The following DPYD variants were observed in gnomAD, a reference collection of about 807,000 sequenced individuals.
DPYD encodes the protein dihydropyrimidine dehydrogenase.
Under a neutral mutation model 116.2 loss-of-function variants are expected in DPYD, and 109 were observed. That is an observed-to-expected ratio of 0.94 (90% CI 0.80 to 1.10). The LOEUF is 1.10. Among genes scored for constraint, DPYD ranks in the 50% least tolerant of loss-of-function variants. The pLI, the probability that DPYD is intolerant of heterozygous loss-of-function variation, is 0.00. For missense variants in DPYD, 1,302 were observed against 1,254.5 expected (o/e 1.04, Z -0.57); for synonymous variants, 440 against 432.0 (o/e 1.02, Z -0.23).
At chr1:97,120,446 T>C (rs1243434199) in intron 20 of DPYD, among the ~76,000 whole-genome samples, 1 of 152,154 alleles carries the variant, frequency 6.6e-6, no homozygotes, top group Non-Finnish European at 1.5e-5. Context: ...TTATTTTATA[T>C]ACCAGTCTCT....
chr1:97,567,461 A>G (rs937785103), intron 11 of DPYD, among the ~76,000 whole-genome samples: 2 of 152,060 alleles, frequency 1.3e-5, no homozygotes, highest in East Asian at 3.9e-4. Flanking sequence ...GTTCCCAGTG[A>G]GTGAGCAGAA....
Position 97,374,718 on chromosome 1 carries a change from G to GAAAAA in DPYD, c.1975-1079_1975-1075dup, listed in dbSNP as rs144889184. Among the ~76,000 whole-genome samples, 71 of 52,612 alleles carry GAAAAA rather than the reference G, an allele frequency of 1.3e-3. 4 individuals carry two copies. The highest frequency in any genetic ancestry group is 7.3e-3 in the African/African-American group (71 of 9,748). The allele number at this position is 52,612 out of a possible 152,430, so 34.5% of individuals were successfully genotyped here. On this transcript the variant is annotated intron_variant, in intron 15 of 22. Coordinates refer to ENST00000370192, the MANE Select transcript of DPYD (RefSeq NM_000110.4). ...TGGGAAAGAGCAAGACTCCGTCTCA[G>GAAAAA]AAAAAAAAAAAAAAAAAAAAAAAAA...
At chr1:97,096,220 G>A (rs565409342) in intron 21 of DPYD, among the ~76,000 whole-genome samples, 75 of 151,962 alleles carry the variant, frequency 4.9e-4, no homozygotes, top group African/African-American at 1.7e-3. Flanking sequence ...TGATCTACAG[G>A]CTTTCATGCA....
intron 18 of DPYD, among the ~76,000 whole-genome samples, chr1:97,302,593 A>G (rs148704185): frequency 6.6e-6 from 1 of 152,114 alleles, no homozygotes; most frequent in Non-Finnish European, 1.5e-5. Context: ...TACAGCAGGT[A>G]GAAGTTATCT....
intron 20 of DPYD, among the ~76,000 whole-genome samples, chr1:97,155,816 C>T (rs372926252): frequency 3.9e-5 from 6 of 152,272 alleles, no homozygotes; most frequent in South Asian, 2.1e-4. Context: ...CACTTTCCAA[C>T]GGTCTCACTA....
chr1:97,324,682 A>G (rs1360195907), intron 16 of DPYD, among the ~76,000 whole-genome samples: 1 of 152,108 alleles, frequency 6.6e-6, no homozygotes, highest in Non-Finnish European at 1.5e-5. Flanking sequence ...CTTTAGAATT[A>G]CAATACATCT....
chr1:97,193,253 A>G lies in DPYD; in HGVS notation c.2443-5T>C, dbSNP rs1243654829. On this transcript the variant is annotated splice_region_variant and splice_polypyrimidine_tract_variant and intron_variant, in intron 19 of 22. Coordinates refer to ENST00000370192, the MANE Select transcript of DPYD (RefSeq NM_000110.4). ...ATTCTGAATGGCACTGCATACCTAG[A>G]AAAGACAGAGCAGTCAACCAAGTGT... 4 of 1,612,814 alleles carry G rather than the reference A, an allele frequency of 2.5e-6. No individual in the cohort carries two copies. In the African/African-American group the frequency reaches 5.3e-5, roughly 22 times the overall value.
intron 20 of DPYD, among the ~76,000 whole-genome samples, chr1:97,190,443 G>A (rs1658273582): frequency 6.6e-6 from 1 of 152,134 alleles, no homozygotes; most frequent in Non-Finnish European, 1.5e-5. Flanking sequence ...CAGGATCAAT[G>A]CTAGTGGGGC....
chr1:97,360,398 G>A (rs950647526), intron 16 of DPYD, among the ~76,000 whole-genome samples: 2 of 152,176 alleles, frequency 1.3e-5, no homozygotes, highest in African/African-American at 4.8e-5. Context: ...AGATCAGTGA[G>A]ACAGAAGGTT....
At chr1:97,496,001 C>A (rs1192020595) in intron 13 of DPYD, among the ~76,000 whole-genome samples, 2 of 152,046 alleles carry the variant, frequency 1.3e-5, no homozygotes, top group Non-Finnish European at 2.9e-5. Context: ...TGACAGTTTT[C>A]TTTTGATATT....
chr1:97,280,236 C>A (rs1665231837), intron 18 of DPYD: 1 of 151,362 alleles, frequency 6.6e-6, no homozygotes, highest in Non-Finnish European at 1.5e-5. Flanking sequence ...CTAGAGAAAC[C>A]AAAACAAATA....
At chr1:97,457,233 T>C (rs1676738358) in intron 13 of DPYD, among the ~76,000 whole-genome samples, 1 of 152,140 alleles carries the variant, frequency 6.6e-6, no homozygotes, top group Non-Finnish European at 1.5e-5. Flanking sequence ...GTCTGCTATA[T>C]GCCAAGGAAG....
At chr1:97,770,876 A>G (rs1230151909) in intron 3 of DPYD, among the ~76,000 whole-genome samples, 2 of 152,206 alleles carry the variant, frequency 1.3e-5, no homozygotes, top group Non-Finnish European at 2.9e-5. Flanking sequence ...ATATGTAGCT[A>G]AAACAGACAA....
chr1:97,282,664 G>C (rs1009769372), intron 18 of DPYD, among the ~76,000 whole-genome samples: 11 of 151,994 alleles, frequency 7.2e-5, no homozygotes, highest in Admixed American at 6.6e-5. Context: ...TTGGTGTATA[G>C]AGAATTTTGT....
chr1:97,221,536 C>G (rs895186806), intron 19 of DPYD, among the ~76,000 whole-genome samples: 4 of 152,042 alleles, frequency 2.6e-5, no homozygotes, highest in African/African-American at 9.7e-5. Context: ...ATCATTAATA[C>G]TCTTTATAAT....
chr1:97,831,042 A>T lies in DPYD; in HGVS notation c.151-2846T>A, dbSNP rs114294890. On this transcript the variant is annotated intron_variant, in intron 2 of 22. Transcript: ENST00000370192. ...CTGCATGAAGTTTATTATACCCAAC[A>T]GAACAACAAAGGAAATAAGTAAGCA... Among the ~76,000 whole-genome samples the T allele has an allele frequency of 9.4e-3, 1,433 of 152,338 alleles. 18 individuals carry two copies. Among genetic ancestry groups the T allele is most frequent in the African/African-American group, 0.033 (1,367 of 41,564 alleles).
chr1:97,870,826 T>G (rs1250793931), intron 2 of DPYD, among the ~76,000 whole-genome samples: 1 of 151,828 alleles, frequency 6.6e-6, no homozygotes, highest in Non-Finnish European at 1.5e-5. Flanking sequence ...TGAATAGGAC[T>G]GTGATTAAAA....
chr1:97,773,885 A>G (rs1666267232), intron 3 of DPYD, among the ~76,000 whole-genome samples: 1 of 152,198 alleles, frequency 6.6e-6, no homozygotes, highest in Non-Finnish European at 1.5e-5. Flanking sequence ...TGATTTTTTC[A>G]GTACACTAAG....
At chr1:97,613,383 G>A (rs1393042447) in intron 8 of DPYD, among the ~76,000 whole-genome samples, 1 of 151,688 alleles carries the variant, frequency 6.6e-6, no homozygotes, top group African/African-American at 2.4e-5. Context: ...TGAAAATGAT[G>A]AGAAAAAAAG....
Sources: allele counts gnomAD v4.1 joint callset (sites outside exome capture counted in the v4.1 genomes callset), GRCh38; gene constraint gnomAD v4.1.1; transcripts MANE v1.5; gene names NCBI Gene and HGNC (gene_info 2026-07-23, HGNC 2026-07-21).